GPC5: variants seen among roughly 807,000 people sequenced by gnomAD.
GPC5 encodes the protein glypican-5.
Under a neutral mutation model 53.9 loss-of-function variants are expected in GPC5, and 47 were observed. That is an observed-to-expected ratio of 0.87 (90% confidence interval 0.69 to 1.11). GPC5 has a LOEUF of 1.11. Among genes scored for constraint, GPC5 ranks in the 50% most tolerant of loss-of-function variants. The pLI, the probability that GPC5 is intolerant of heterozygous loss-of-function variation, is 0.00. For missense variants in GPC5, 748 were observed against 713.1 expected, an observed-to-expected ratio of 1.05 and a Z score of -0.56; for synonymous variants, 286 against 263.3, an observed-to-expected ratio of 1.09 and a Z score of -0.84.
chr13:92,654,572 C>A (rs1594386392), intron 7 of GPC5, among the ~76,000 whole-genome samples: 2 of 152,212 alleles, frequency 1.3e-5, no homozygotes, highest in Non-Finnish European at 2.9e-5. Flanking sequence ...TTCTGTCAGT[C>A]AGTGATTCAG....
intron 7 of GPC5, among the ~76,000 whole-genome samples, chr13:92,618,004 A>C (rs1307746966): frequency 6.6e-6 from 1 of 152,284 alleles, no homozygotes; most frequent in Middle Eastern, 3.4e-3. Context: ...CTAATGCTTC[A>C]GTTATGTGCA....
At chr13:92,280,615 G>T (rs1483551714) in intron 7 of GPC5, among the ~76,000 whole-genome samples, 2 of 151,998 alleles carry the variant, frequency 1.3e-5, no homozygotes, top group East Asian at 3.9e-4. Context: ...AAATTTATTT[G>T]CTGAATTCCT....
chr13:91,668,934 A>G (rs1326742), intron 2 of GPC5, among the ~76,000 whole-genome samples: 38,291 of 152,154 alleles, frequency 0.25, 6,709 homozygotes, highest in African/African-American at 0.49. Flanking sequence ...GAAAATAGGC[A>G]TCAGGGTAAA....
At chr13:92,712,034 C>A (rs1888156778) in intron 7 of GPC5, among the ~76,000 whole-genome samples, 1 of 148,982 alleles carries the variant, frequency 6.7e-6, no homozygotes, top group African/African-American at 2.5e-5. Flanking sequence ...CCCTAACAAG[C>A]AGAAGAAAAG....
chr13:91,415,543 A>C (rs114459771), intron 1 of GPC5, among the ~76,000 whole-genome samples: 1,603 of 152,050 alleles, frequency 0.011, 35 homozygotes, highest in African/African-American at 0.037. Flanking sequence ...ACACCTTTTT[A>C]TACGTCTTGC....
chr13:92,759,227 G>T, intron 7 of GPC5, among the ~76,000 whole-genome samples: 1 of 150,856 alleles, frequency 6.6e-6, no homozygotes, highest in South Asian at 2.1e-4. Flanking sequence ...GGCTATTCAG[G>T]GTCTTTATGG....
chr13:92,169,705 G>A (rs1370623812), intron 7 of GPC5, among the ~76,000 whole-genome samples: 2 of 152,008 alleles, frequency 1.3e-5, no homozygotes, highest in Non-Finnish European at 2.9e-5. Flanking sequence ...CCAGAAGGTA[G>A]TTATAAAAAA....
intron 7 of GPC5, among the ~76,000 whole-genome samples, chr13:92,432,360 T>G (rs979618664): frequency 5.1e-5 from 7 of 138,012 alleles, no homozygotes; most frequent in African/African-American, 1.8e-4. Context: ...GTGGTGGGTT[T>G]TTTTTTTTTT....
At chr13:91,899,209 T>C (rs1181101872) in intron 5 of GPC5, among the ~76,000 whole-genome samples, 1 of 152,114 alleles carries the variant, frequency 6.6e-6, no homozygotes, top group Non-Finnish European at 1.5e-5. Context: ...CCTTTCCTGT[T>C]TGTGTGTGTG....
intron 6 of GPC5, among the ~76,000 whole-genome samples, chr13:91,928,063 T>G (rs765617974): frequency 2.6e-5 from 4 of 152,182 alleles, no homozygotes; most frequent in Non-Finnish European, 5.9e-5. Context: ...CAGACACATA[T>G]CCACATATTC....
intron 7 of GPC5, among the ~76,000 whole-genome samples, chr13:92,186,356 A>G (rs529138190): frequency 6.6e-6 from 1 of 152,108 alleles, no homozygotes; most frequent in South Asian, 2.1e-4. Flanking sequence ...CATTGGATAT[A>G]GTATAATTTC....
intron 7 of GPC5, among the ~76,000 whole-genome samples, chr13:92,852,004 C>G (rs898473604): frequency 6.6e-6 from 1 of 151,700 alleles, no homozygotes; most frequent in Non-Finnish European, 1.5e-5. Context: ...AACCAAAATG[C>G]ATGAAACAGA....
At chr13:92,046,814 G>A (rs1024929350) in intron 6 of GPC5, among the ~76,000 whole-genome samples, 2 of 152,204 alleles carry the variant, frequency 1.3e-5, no homozygotes, top group African/African-American at 4.8e-5. Flanking sequence ...CCTCTGAGCA[G>A]CAAATGACAG....
chr13:91,457,163 A>G (rs1259652214), intron 2 of GPC5, among the ~76,000 whole-genome samples: 3 of 152,122 alleles, frequency 2.0e-5, no homozygotes, highest in South Asian at 2.1e-4. Flanking sequence ...GGCTTTTTTC[A>G]TAGCTATTTT....
intron 7 of GPC5, among the ~76,000 whole-genome samples, chr13:92,424,611 C>A (rs577547246): frequency 5.9e-5 from 9 of 151,828 alleles, no homozygotes; most frequent in Non-Finnish European, 8.8e-5. Flanking sequence ...TAAAAAGTTA[C>A]ATCTGTTCTT....
intron 7 of GPC5, among the ~76,000 whole-genome samples, chr13:92,258,177 A>T (rs1318674644): frequency 7.2e-5 from 11 of 152,184 alleles, no homozygotes; most frequent in Non-Finnish European, 1.5e-5. Context: ...CATTTAGAAG[A>T]CAAAATTTAA....
At chr13:92,312,221 C>A (rs572246436) in intron 7 of GPC5, among the ~76,000 whole-genome samples, 1 of 152,240 alleles carries the variant, frequency 6.6e-6, no homozygotes, top group South Asian at 2.1e-4. Flanking sequence ...TTCTTCAACT[C>A]CTCTTTCTAG....
rs181866643 is a variant in GPC5 at position 91,695,043 on chromosome 13, C to A, written c.1020+1162C>A. On this transcript the variant is annotated intron_variant, in intron 3 of 7. Coordinates refer to ENST00000377067, the MANE Select transcript of GPC5 (RefSeq NM_004466.6). ...GGGACTTTCCAGGTCCTGCGTGAGCCTTTATGGTTCCTTTCTGCAAATTAG... is the reference window on the plus strand; with the variant it reads ...GGGACTTTCCAGGTCCTGCGTGAGCATTTATGGTTCCTTTCTGCAAATTAG... Among the ~76,000 whole-genome samples the A allele has an allele frequency of 3.4e-3, 525 of 152,290 alleles. 4 individuals carry two copies. The highest frequency in any genetic ancestry group is 0.012 in the African/African-American group (487 of 41,552).
chr13:92,215,994 G>A (rs1456539428), intron 7 of GPC5, among the ~76,000 whole-genome samples: 1 of 152,114 alleles, frequency 6.6e-6, no homozygotes, highest in Non-Finnish European at 1.5e-5. Flanking sequence ...CAATGTGTTT[G>A]GATGCCCTTC....
Sources: gnomAD v4.1 joint callset for allele counts (sites outside exome capture counted in the v4.1 genomes callset) on GRCh38, gnomAD v4.1.1 for gene constraint, MANE v1.5 for transcripts, NCBI Gene and HGNC (gene_info 2026-07-23, HGNC 2026-07-21) for gene names.